SGCE: variants seen among roughly 807,000 people sequenced by gnomAD.
SGCE encodes the protein epsilon-sarcoglycan.
SGCE carries 26 observed loss-of-function variants against 57.8 expected under a neutral mutation model. The observed-to-expected ratio is 0.45, with a 90% CI of 0.33 to 0.62. The LOEUF is 0.62. Among genes scored for constraint, SGCE ranks in the 20% least tolerant of loss-of-function variants. SGCE has a pLI of 0.02. For synonymous variants in SGCE, 183 were observed against 189.5 expected (o/e 0.97, Z 0.28); for missense variants, 468 against 548.6 (o/e 0.85, Z 1.47).
In SGCE at chr7:94,629,792, T is replaced by C; in HGVS notation, c.159A>G (p.Ser53=). The C allele has an allele frequency of 1.2e-6, 2 of 1,611,172 alleles. No individual in the cohort carries two copies. The highest frequency in any genetic ancestry group is 1.7e-6 in the Non-Finnish European group (2 of 1,177,782). The change falls in exon 2 of 11, where the codon TCA becomes TCG. Residue 53 remains serine (S), a synonymous_variant. Coordinates refer to ENST00000648936, the MANE Select transcript of SGCE (RefSeq NM_003919.3). ...KVHSDRNVYP[S]AGVLFVHVLE... ...AAACATGAACAAAGAGGACACCTGC[T>C]GATGGGTATACATTCCGATCGGAGT...
chr7:94,643,424 CACA>C (rs1204771925), intron 1 of SGCE, among the ~76,000 whole-genome samples: 1 of 152,182 alleles, frequency 6.6e-6, no homozygotes, highest in Admixed American at 6.5e-5. Context: ...ATAGTTTAAA[CACA>C]ACACACAGAT....
rs1314679593 is a variant in SGCE, at chr7:94,585,504, G to A, written c.1309C>T (p.Pro437Ser). Residue 437 changes from proline to serine, a missense_variant, in exon 11 of 11, where the codon CCC becomes TCC. Pro to Ser is a moderately conservative substitution (Grantham distance 74, BLOSUM62 -1). Coordinates refer to ENST00000648936, the MANE Select transcript of SGCE (RefSeq NM_003919.3). Reference sequence around the variant, plus strand: ...CTTCAGTCAGTTTTCTTTCTTCAGGGATACCATTTACCTGCAATGTGTAAG... The same window carrying A: ...CTTCAGTCAGTTTTCTTTCTTCAGGAATACCATTTACCTGCAATGTGTAAG... ...PQQQTTGKWY[P>S] 1 of 1,605,070 alleles carries A rather than the reference G, an allele frequency of 6.2e-7. No individual in the cohort carries two copies. Among genetic ancestry groups the A allele is most frequent in the Non-Finnish European group, 8.5e-7 (1 of 1,171,918 alleles).
At chr7:94,619,756 T>C (rs1802487439) in intron 4 of SGCE, 1 of 152,216 alleles carries the variant, frequency 6.6e-6, no homozygotes, top group Non-Finnish European at 1.5e-5. Flanking sequence ...CATTTAATTC[T>C]CACAACAAGA....
At chr7:94,644,661 T>G in intron 1 of SGCE, 1 of 1,284,974 alleles carries the variant, frequency 7.8e-7, no homozygotes, top group Non-Finnish European at 1.0e-6. Flanking sequence ...GTCTCTTTCA[T>G]ATTCCACTGT....
chr7:94,655,771 G>T (rs925064376), intron 1 of SGCE, among the ~76,000 whole-genome samples: 2 of 57,514 alleles, frequency 3.5e-5, no homozygotes, highest in African/African-American at 1.6e-4. Context: ...GCGGGGGCGC[G>T]GAGAGGAAAA....
intron 5 of SGCE, among the ~76,000 whole-genome samples, chr7:94,611,400 CATATT>C (rs1441036540): frequency 6.9e-6 from 1 of 144,112 alleles, no homozygotes; most frequent in East Asian, 2.2e-4. Context: ...CAGAAGACCA[CATATT>C]ATATAATTCC....
intron 9 of SGCE, among the ~76,000 whole-genome samples, chr7:94,593,381 A>C (rs1165225702): frequency 6.6e-6 from 1 of 152,058 alleles, no homozygotes; most frequent in Admixed American, 6.6e-5. Context: ...AAGGGGCCTC[A>C]TGAAGATGCC....
At chr7:94,651,076 T>C (rs1368901175) in intron 1 of SGCE, among the ~76,000 whole-genome samples, 1 of 152,224 alleles carries the variant, frequency 6.6e-6, no homozygotes, top group Non-Finnish European at 1.5e-5. Flanking sequence ...TACCAGAACC[T>C]AACTAATTTT....
intron 10 of SGCE, chr7:94,587,733 A>C: frequency 6.5e-7 from 1 of 1,533,098 alleles, no homozygotes; most frequent in Non-Finnish European, 8.8e-7. Flanking sequence ...AATTCTGATA[A>C]ACATCTTGTA....
Position 94,637,493 on chromosome 7 carries a change from C to T in SGCE, c.110-7652G>A, listed in dbSNP as rs115270698. On this transcript the variant is annotated intron_variant, in intron 1 of 10. Coordinates refer to ENST00000648936, the MANE Select transcript of SGCE (RefSeq NM_003919.3). ...GGAGGGATCATTTCTATTCTGAAAACTCTAGTTATCTCTTGGGTCCCAAGG... is the reference window on the plus strand; with the variant it reads ...GGAGGGATCATTTCTATTCTGAAAATTCTAGTTATCTCTTGGGTCCCAAGG... 4.2e-3 allele frequency among the ~76,000 whole-genome samples: 639 copies of T among 152,256 alleles called. 3 individuals carry two copies. Among genetic ancestry groups the T allele is most frequent in the African/African-American group, 0.014 (570 of 41,552 alleles).
intron 1 of SGCE, among the ~76,000 whole-genome samples, chr7:94,636,250 G>A (rs538072042): frequency 6.6e-6 from 1 of 152,246 alleles, no homozygotes; most frequent in African/African-American, 2.4e-5. Flanking sequence ...TGATCAATAA[G>A]CTTAGTGTCA....
At chr7:94,612,094 A>G (rs989922516) in intron 5 of SGCE, among the ~76,000 whole-genome samples, 2 of 152,164 alleles carry the variant, frequency 1.3e-5, no homozygotes, top group Admixed American at 1.3e-4. Context: ...TAATTGTGAA[A>G]TATATTTGTA....
rs371568101 is a variant in SGCE at position 94,588,701 on chromosome 7, G to C, written c.1285C>G (p.Gln429Glu). 2.5e-6 allele frequency: 4 copies of C among 1,605,802 alleles called. No individual in the cohort carries two copies. ...NLPHQTQIPQ[Q>E]QTTGKWYP The stretch of plus-strand genomic sequence containing the variant: ...TCTTAGCACTCACCTGTAGTCTGCT[G>C]TTGGGGAATCTGAGTCTGATGTGGC... The change falls in exon 10 of 11, where the codon CAG becomes GAG. Residue 429 changes from glutamine to glutamate, a missense_variant. Gln to Glu is a conservative substitution (Grantham distance 29). Transcript: ENST00000648936.
chr7:94,649,741 G>T (rs1299337667), intron 1 of SGCE, among the ~76,000 whole-genome samples: 1 of 152,212 alleles, frequency 6.6e-6, no homozygotes, highest in African/African-American at 2.4e-5. Flanking sequence ...CAGTCAGAGT[G>T]AAAGTGACTG....
Position 94,618,865 on chromosome 7 carries a change from G to T in SGCE, c.555C>A (p.Gly185=). Residue 185 remains glycine, a synonymous_variant, in exon 5 of 11, where the codon GGC becomes GGA. Transcript: ENST00000648936. ...LASEVLGDFL[G]AVKNVWQPER... is the part of the protein sequence containing the mutation. ...CTGGCTGCCACACATTTTTCACTGC[G>T]CCAAGAAAGTCTCCAAGAACCTCAC... 6.2e-7 allele frequency: 1 copy of T among 1,613,836 alleles called. No individual in the cohort carries two copies. The highest frequency in any genetic ancestry group is 8.5e-7 in the Non-Finnish European group (1 of 1,179,844).
intron 10 of SGCE, among the ~76,000 whole-genome samples, chr7:94,586,078 A>AAAAAAAAAAAC (rs1796865465): frequency 6.7e-6 from 1 of 150,210 alleles, no homozygotes; most frequent in Non-Finnish European, 1.5e-5. Context: ...AAAAAAAAAA[A>AAAAAAAAAAAC]AAAAAAAAAC....
At chr7:94,597,593 G>T (rs979875655) in intron 9 of SGCE, 1 of 152,154 alleles carries the variant, frequency 6.6e-6, no homozygotes, top group Non-Finnish European at 1.5e-5. Flanking sequence ...GAGAAAGAGA[G>T]ATTTTTCTGC....
chr7:94,598,501 C>A, intron 9 of SGCE: 1 of 385,452 alleles, frequency 2.6e-6, no homozygotes, highest in Non-Finnish European at 4.7e-6. Flanking sequence ...TTTGAGCAAA[C>A]ATGTAATGTT....
At chr7:94,590,007 A>G (rs1308965488) in intron 9 of SGCE, 1 of 152,180 alleles carries the variant, frequency 6.6e-6, no homozygotes, top group Non-Finnish European at 1.5e-5. Flanking sequence ...CATTTAAATA[A>G]CACACATTTC....
Sources: gnomAD v4.1 joint callset for allele counts (sites outside exome capture counted in the v4.1 genomes callset) on GRCh38, gnomAD v4.1.1 for gene constraint, MANE v1.5 for transcripts, NCBI Gene and HGNC (gene_info 2026-07-23, HGNC 2026-07-21) for gene names.